Variants in RGS12 observed in about 807,000 individuals in gnomAD.
RGS12 encodes regulator of G protein signaling 12, also known as regulator of G-protein signaling 12.
Under a neutral mutation model 120.1 loss-of-function variants are expected in RGS12, and 66 were observed. That is an observed-to-expected ratio of 0.55 (90% CI 0.45 to 0.67). The LOEUF (loss-of-function observed/expected upper bound fraction) is 0.67, where lower values mean the gene tolerates loss of function less well. Among genes scored for constraint, RGS12 ranks in the 30% least tolerant of loss-of-function variants. The pLI, the probability that RGS12 is intolerant of heterozygous loss-of-function variation, is 0.00. For synonymous variants in RGS12, 827 were observed against 804.7 expected (o/e 1.03, Z -0.47); for missense variants, 1,859 against 1,957.7 (o/e 0.95, Z 0.95).
chr4:3,291,025 G>T, upstream of RGS12, among the ~76,000 whole-genome samples: 1 of 152,204 alleles, frequency 6.6e-6, no homozygotes, highest in East Asian at 1.9e-4. Flanking sequence ...CCCCCTGCTG[G>T]GCATGAGTTC....
chr4:3,352,327 C>T (rs1714434572), intron 3 of RGS12, among the ~76,000 whole-genome samples: 1 of 152,144 alleles, frequency 6.6e-6, no homozygotes, highest in Admixed American at 6.5e-5. Flanking sequence ...CTTTCAAGGG[C>T]AGAAGAGGCG....
chr4:3,289,525 T>C (rs1022146604), upstream of RGS12, among the ~76,000 whole-genome samples: 21 of 152,190 alleles, frequency 1.4e-4, no homozygotes, highest in Admixed American at 1.3e-3. Flanking sequence ...TTTTTTACTT[T>C]TTTAATTAGT....
rs566785075 is a variant in RGS12 at position 3,433,606 on chromosome 4, A to G, written c.4114+2651A>G. On this transcript the variant is annotated intron_variant, in intron 17 of 17. Coordinates refer to ENST00000336727, the MANE Select transcript of RGS12 (RefSeq NM_001394154.1). The surrounding 1 kb of genome is among the most constrained non-coding windows in gnomAD (Gnocchi z 4.4). ...GCCACCCTGTCCTAGCCCCAGTGCC[A>G]CATGCCACACCACCCCATCCTAGCC... 1.0e-3 allele frequency among the ~76,000 whole-genome samples: 152 copies of G among 151,556 alleles called. No homozygotes were observed. The highest frequency in any genetic ancestry group is 3.5e-3 in the African/African-American group (146 of 41,220).
intron 4 of RGS12, among the ~76,000 whole-genome samples, chr4:3,387,322 T>G (rs2108973383): frequency 6.6e-6 from 1 of 152,334 alleles, no homozygotes; most frequent in African/African-American, 2.4e-5. Context: ...TCACTTTCTG[T>G]GGTCCTGCAG....
At chr4:3,293,229 C>T (rs1377273125) in intron 1 of RGS12, 130 bp downstream of exon 1, 3 of 146,312 alleles carry the variant, frequency 2.1e-5, no homozygotes, top group African/African-American at 4.9e-5. Flanking sequence ...CGGCGCCCGT[C>T]CCCTCGGGGT....
At chr4:3,355,794 C>CAAAAAAAAAAAAAAAAAAAAAAAGAAA (rs372490658) in intron 3 of RGS12, among the ~76,000 whole-genome samples, 1 of 58,086 alleles carries the variant, frequency 1.7e-5, no homozygotes, top group Non-Finnish European at 3.4e-5. Flanking sequence ...GACCTTGTCT[C>CAAAAAAAAAAAAAAAAAAAAAAAGAAA]AAAAAAAAAA....
chr4:3,386,437 G>A lies in RGS12; in HGVS notation c.2020G>A (p.Glu674Lys), dbSNP rs774203817. Residue 674 changes from glutamate to lysine, a missense_variant and splice_region_variant, in exon 4 of 18, where the codon GAG becomes AAG. By Grantham distance (56) the Glu-to-Lys change is moderately conservative. Coordinates refer to ENST00000336727, the MANE Select transcript of RGS12 (RefSeq NM_001394154.1). Reference protein sequence around the residue: ...DLESATVSDGELTGADLKDCV... With the variant: ...DLESATVSDGKLTGADLKDCV... ...TCAGTCTGCAACTGTGTCTGATGGC[G>A]GTAAGTCACAATTTCTGATGTATAT... 5.0e-6 allele frequency: 8 copies of A among 1,609,496 alleles called. No individual in the cohort carries two copies. The highest frequency in any genetic ancestry group is 4.0e-5 in the African/African-American group (3 of 74,796).
At chr4:3,322,435 G>A (rs1251117448) in intron 2 of RGS12, among the ~76,000 whole-genome samples, 2 of 152,192 alleles carry the variant, frequency 1.3e-5, no homozygotes, top group Non-Finnish European at 2.9e-5. Flanking sequence ...ATGGAGATAA[G>A]CATTCAGGCC....
intron 2 of RGS12, chr4:3,342,632 A>C: frequency 4.6e-6 from 6 of 1,291,186 alleles, no homozygotes; most frequent in Non-Finnish European, 6.1e-6. Context: ...TGATCTGGGT[A>C]ACAGCCTTGT....
rs954583065 is a variant in RGS12, at chr4:3,318,020, G to T, written c.1850G>T (p.Arg617Leu). ...FGMQSIFGPH[R>L]NVRKTKEDKK... ...ATGCAAAGCATTTTTGGTCCCCATC[G>T]AAATGTTCGAAAGACTAAGGAAGAT... The change falls in exon 2 of 18, where the codon CGA becomes CTA. Residue 617 changes from arginine to leucine, a missense_variant. This residue lies in a region of RGS12 where 967 missense variants were observed against 994.2 expected (regional missense o/e 0.97). Transcript: ENST00000336727. 1 of 1,605,438 alleles carries T rather than the reference G, an allele frequency of 6.2e-7. No individual in the cohort carries two copies. The highest frequency in any genetic ancestry group is 8.5e-7 in the Non-Finnish European group (1 of 1,175,536).
chr4:3,413,931 C>T, intron 4 of RGS12, 141 bp from the exon 5 acceptor site: 3 of 783,900 alleles, frequency 3.8e-6, no homozygotes, highest in South Asian at 1.9e-5. Context: ...GGTAGGTGTG[C>T]TGTGCATAGT....
intron 17 of RGS12, chr4:3,431,859 T>C: frequency 1.0e-6 from 1 of 985,606 alleles, no homozygotes; most frequent in Non-Finnish European, 1.2e-6. Context: ...GTGAGAGGCC[T>C]GCCGTGAGGT....
At chr4:3,380,165 G>A (rs1718111258) in intron 3 of RGS12, among the ~76,000 whole-genome samples, 1 of 152,230 alleles carries the variant, frequency 6.6e-6, no homozygotes, top group Non-Finnish European at 1.5e-5. Context: ...CCCCATGCAA[G>A]TCCAAAATGC....
At chr4:3,297,382 C>G (rs1054796674) in intron 1 of RGS12, among the ~76,000 whole-genome samples, 3 of 152,226 alleles carry the variant, frequency 2.0e-5, no homozygotes, top group African/African-American at 4.8e-5. Flanking sequence ...TCTGTTTTCT[C>G]AGGCATTTAC....
intron 1 of RGS12, among the ~76,000 whole-genome samples, chr4:3,305,727 G>A (rs1723939836): frequency 6.6e-6 from 1 of 152,150 alleles, no homozygotes; most frequent in South Asian, 2.1e-4. Context: ...CCTCACTTCC[G>A]AGACCCAGCC....
chr4:3,416,672 A>T (rs139341508), intron 7 of RGS12, among the ~76,000 whole-genome samples: 43 of 152,324 alleles, frequency 2.8e-4, no homozygotes, highest in African/African-American at 9.6e-4. Context: ...GTAAGTTGTC[A>T]GGATTCACTT....
At chr4:3,300,493 C>T (rs1447134287) in intron 1 of RGS12, among the ~76,000 whole-genome samples, 1 of 137,322 alleles carries the variant, frequency 7.3e-6, no homozygotes, top group Non-Finnish European at 1.6e-5. Flanking sequence ...TGGGCCCGCC[C>T]CTCCTAGGAG....
At chr4:3,428,383 GC>G in intron 15 of RGS12, 174 bp from the exon 16 acceptor site, 1 of 754,956 alleles carries the variant, frequency 1.3e-6, no homozygotes. Context: ...GAGTGGTTGT[GC>G]CTTAAATGCT....
intron 10 of RGS12, among the ~76,000 whole-genome samples, chr4:3,421,950 A>T (rs1419153968): frequency 2.0e-5 from 3 of 152,234 alleles, no homozygotes; most frequent in African/African-American, 7.2e-5. Flanking sequence ...GTGCCGACGA[A>T]GTCACAGTCC....
Sources: gnomAD v4.1 joint callset for allele counts (sites outside exome capture counted in the v4.1 genomes callset) on GRCh38, gnomAD v4.1.1 for gene constraint, gnomAD v4.1.1 regional missense constraint, Gnocchi (gnomAD v3.1) non-coding constraint, MANE v1.5 for transcripts, NCBI Gene and HGNC (gene_info 2026-07-23, HGNC 2026-07-21) for gene names.